Variants in OPCML observed in about 807,000 individuals in gnomAD.
OPCML encodes opioid binding protein/cell adhesion molecule like, also known as opioid-binding protein/cell adhesion molecule.
A neutral mutation model predicts 37.8 loss-of-function variants in OPCML; 13 were observed. The observed-to-expected ratio is 0.34, with a 90% CI of 0.22 to 0.55. OPCML has a LOEUF of 0.55. OPCML is among the 20% of genes least tolerant of loss of function. The pLI is 0.91. For synonymous variants in OPCML, 176 were observed against 168.8 expected (o/e 1.04, Z -0.33); for missense variants, 341 against 435.6 (o/e 0.78, Z 1.93).
At chr11:133,094,911 G>A (rs1362992579) in intron 1 of OPCML, among the ~76,000 whole-genome samples, 1 of 152,114 alleles carries the variant, frequency 6.6e-6, no homozygotes, top group African/African-American at 2.4e-5. Flanking sequence ...TTACCCCAGT[G>A]ATGCAGGGCA....
At chr11:132,891,828 G>A (rs1414594809) in intron 2 of OPCML, among the ~76,000 whole-genome samples, 8 of 152,224 alleles carry the variant, frequency 5.3e-5, no homozygotes, top group South Asian at 2.1e-4. Context: ...TTCTCTTAAC[G>A]TCCAGATTTT....
chr11:132,643,423 A>C (rs1472351607), intron 3 of OPCML, among the ~76,000 whole-genome samples: 1 of 152,132 alleles, frequency 6.6e-6, no homozygotes, highest in African/African-American at 2.4e-5. Context: ...TTGGGCTTGC[A>C]CCGGGAGGGC....
At chr11:132,938,732 A>G (rs552252471) in intron 2 of OPCML, among the ~76,000 whole-genome samples, 5 of 152,278 alleles carry the variant, frequency 3.3e-5, no homozygotes, top group Admixed American at 6.5e-5. Flanking sequence ...TTTCTAGGGC[A>G]TTAACATTGC....
chr11:133,228,941 C>T (rs1190707968), intron 1 of OPCML, among the ~76,000 whole-genome samples: 1 of 152,160 alleles, frequency 6.6e-6, no homozygotes, highest in Non-Finnish European at 1.5e-5. Flanking sequence ...GCTGAGGTCT[C>T]AATTTAAAAC....
chr11:133,411,109 G>T (rs1945642288), intron 1 of OPCML, among the ~76,000 whole-genome samples: 2 of 152,094 alleles, frequency 1.3e-5, no homozygotes, highest in South Asian at 4.2e-4. Flanking sequence ...GGAGGTCAAG[G>T]TGATGCTGGG....
At chr11:132,687,064 C>T (rs1943190348) in intron 2 of OPCML, among the ~76,000 whole-genome samples, 1 of 151,948 alleles carries the variant, frequency 6.6e-6, no homozygotes, top group African/African-American at 2.4e-5. Context: ...GAGACTATAA[C>T]TAGTTCTATT....
At chr11:132,823,907 C>G (rs746316419) in intron 2 of OPCML, among the ~76,000 whole-genome samples, 2 of 152,118 alleles carry the variant, frequency 1.3e-5, no homozygotes, top group Non-Finnish European at 2.9e-5. Flanking sequence ...TGTCTTCTGA[C>G]ATGCACTCTC....
intron 7 of OPCML, among the ~76,000 whole-genome samples, chr11:132,429,102 C>T (rs189040216): frequency 6.1e-4 from 92 of 151,904 alleles, no homozygotes; most frequent in African/African-American, 1.9e-3. Context: ...TGATGTGTAA[C>T]GGGATCTGGG....
At chr11:132,430,848 T>A (rs367756860) in intron 7 of OPCML, among the ~76,000 whole-genome samples, 89 of 152,262 alleles carry the variant, frequency 5.8e-4, no homozygotes, top group African/African-American at 2.1e-3. Context: ...CACGTCGCAC[T>A]CTCTGCAGTG....
chr11:132,799,435 C>T (rs1938519517), intron 2 of OPCML, among the ~76,000 whole-genome samples: 1 of 152,040 alleles, frequency 6.6e-6, no homozygotes. Context: ...GAATTAGGGT[C>T]TTATGGAGAA....
chr11:132,934,965 C>A (rs1945322749), intron 2 of OPCML, among the ~76,000 whole-genome samples: 1 of 151,996 alleles, frequency 6.6e-6, no homozygotes, highest in South Asian at 2.1e-4. Flanking sequence ...CATAGAGAAA[C>A]CCCTTCTGTA....
At chr11:133,294,434 T>C (rs1172123968) in intron 1 of OPCML, among the ~76,000 whole-genome samples, 1 of 152,130 alleles carries the variant, frequency 6.6e-6, no homozygotes, top group Non-Finnish European at 1.5e-5. Flanking sequence ...ACTTCATCAA[T>C]GTGGAGGTGG....
chr11:132,850,389 T>C (rs1941751361), intron 2 of OPCML, among the ~76,000 whole-genome samples: 1 of 152,180 alleles, frequency 6.6e-6, no homozygotes, highest in Non-Finnish European at 1.5e-5. Flanking sequence ...ATCAAATTAG[T>C]GCTGGTAGAT....
intron 1 of OPCML, among the ~76,000 whole-genome samples, chr11:133,076,228 T>C (rs1948619308): frequency 6.6e-6 from 1 of 152,238 alleles, no homozygotes; most frequent in Non-Finnish European, 1.5e-5. Context: ...TGCATACCTT[T>C]GGAAAACAAA....
intron 1 of OPCML, among the ~76,000 whole-genome samples, chr11:133,135,940 A>C (rs1282014767): frequency 2.0e-5 from 3 of 152,258 alleles, no homozygotes; most frequent in African/African-American, 7.2e-5. Context: ...CATATGTAAC[A>C]GCGGCAGAAC....
chr11:133,489,471 T>C (rs1334717609), intron 1 of OPCML, among the ~76,000 whole-genome samples: 1 of 152,126 alleles, frequency 6.6e-6, no homozygotes, highest in African/African-American at 2.4e-5. Flanking sequence ...CCAGCAAACA[T>C]ATTAAAAGTG....
At chr11:133,370,097 T>G (rs183327018) in intron 1 of OPCML, among the ~76,000 whole-genome samples, 2 of 152,328 alleles carry the variant, frequency 1.3e-5, no homozygotes, top group East Asian at 3.9e-4. Context: ...TCAGGTCAGG[T>G]ATTAAATTTT....
intron 1 of OPCML, among the ~76,000 whole-genome samples, chr11:133,096,878 G>A (rs188762479): frequency 2.0e-5 from 3 of 152,104 alleles, no homozygotes; most frequent in Admixed American, 6.5e-5. Flanking sequence ...TAACAACAGA[G>A]CAGCAAAATA....
chr11:132,453,324 C>T (rs1480400968), intron 4 of OPCML, among the ~76,000 whole-genome samples: 1 of 152,170 alleles, frequency 6.6e-6, no homozygotes, highest in Non-Finnish European at 1.5e-5. Context: ...CCCCAAATAT[C>T]ACTAGCACCA....
Sources: gnomAD v4.1 joint callset for allele counts (sites outside exome capture counted in the v4.1 genomes callset) on GRCh38, gnomAD v4.1.1 for gene constraint, MANE v1.5 for transcripts, NCBI Gene and HGNC (gene_info 2026-07-23, HGNC 2026-07-21) for gene names.